Variants in HEPH observed in about 807,000 individuals in gnomAD.
HEPH encodes the protein hephaestin.
A neutral mutation model predicts 80.8 loss-of-function variants in HEPH; 69 were observed. The ratio of observed to expected loss-of-function variants is 0.85; its 90% CI spans 0.70 to 1.04. The LOEUF (loss-of-function observed/expected upper bound fraction) is 1.04, where lower values mean the gene tolerates loss of function less well. HEPH is among the 50% of genes least tolerant of loss of function. HEPH has a pLI of 0.00. For synonymous variants in HEPH, 431 were observed against 322.8 expected (o/e 1.34, Z -3.60); for missense variants, 1,115 against 891.3 (o/e 1.25, Z -3.20).
intron 4 of HEPH, among the ~76,000 whole-genome samples, chrX:66,184,606 G>C (rs2087339885): frequency 3.4e-5 from 1 of 29,370 alleles, no homozygotes; most frequent in South Asian, 1.8e-3. Flanking sequence ...CTCTGCACAT[G>C]AGATGGGTTT....
At chrX:66,165,123 C>A (rs1442432327) in intron 1 of HEPH, among the ~76,000 whole-genome samples, 2 of 111,673 alleles carry the variant, frequency 1.8e-5, no homozygotes, top group Non-Finnish European at 3.8e-5. Flanking sequence ...TTCAGTTTTT[C>A]ATTACTCAGC....
Position 66,165,144 on chromosome X carries a change from T to C in HEPH, c.-14+674T>C, listed in dbSNP as rs184489502. On this transcript the variant is annotated intron_variant, in intron 1 of 20. Coordinates refer to ENST00000343002, the MANE Select transcript of HEPH (RefSeq NM_001367233.3). ...TTTTCATTACTCAGCATCTATTATA[T>C]GACAAGCAATCCTTTTGCTAGGGAC... Among the ~76,000 whole-genome samples the C allele has an allele frequency of 5.0e-3, 561 of 111,957 alleles. 4 individuals are homozygous for C. The highest frequency in any genetic ancestry group is 0.017 in the African/African-American group (523 of 30,840).
chrX:66,256,702 T>C (rs2091194944), intron 17 of HEPH, among the ~76,000 whole-genome samples: 1 of 112,119 alleles, frequency 8.9e-6, no homozygotes, highest in Non-Finnish European at 1.9e-5. Context: ...TCTGCCAATA[T>C]CATCTTATTT....
intron 3 of HEPH, 134 bp downstream of exon 3, chrX:66,172,733 C>T: frequency 3.0e-6 from 2 of 667,617 alleles, no homozygotes. Context: ...AGACTCTCCT[C>T]AGAGTAAACA....
intron 6 of HEPH, among the ~76,000 whole-genome samples, chrX:66,191,703 G>T (rs1249679839): frequency 8.9e-6 from 1 of 111,871 alleles, no homozygotes; most frequent in African/African-American, 3.3e-5. Context: ...TAAATTTGAT[G>T]CTCCTACCAG....
chrX:66,174,189 G>A (rs1171784665), intron 4 of HEPH, among the ~76,000 whole-genome samples: 1 of 110,002 alleles, frequency 9.1e-6, no homozygotes, highest in East Asian at 2.9e-4. Context: ...AATCCCCAAA[G>A]TCCATTGTAT....
At chrX:66,186,270 G>A (rs1213701524) in intron 4 of HEPH, among the ~76,000 whole-genome samples, 2 of 78,889 alleles carry the variant, frequency 2.5e-5, no homozygotes, top group South Asian at 4.6e-4. Context: ...ACCTAAGCAA[G>A]CCTGGGCAAT....
chrX:66,263,563 ATGT>A (rs2091432370), intron 19 of HEPH, 78 bp from the exon 20 acceptor site: 2 of 1,061,409 alleles, frequency 1.9e-6, no homozygotes. Context: ...TCTGCAACCA[ATGT>A]TGACCTTTCA....
chrX:66,258,339 G>A (rs2091248180), intron 17 of HEPH, among the ~76,000 whole-genome samples: 1 of 111,623 alleles, frequency 9.0e-6, no homozygotes. Flanking sequence ...GTCTTTCTGG[G>A]GGAGTGAAGA....
chrX:66,199,987 C>T (rs907443993), intron 11 of HEPH, among the ~76,000 whole-genome samples: 5 of 102,657 alleles, frequency 4.9e-5, no homozygotes, highest in African/African-American at 1.8e-4. Flanking sequence ...GGTAGGGGTA[C>T]CAGAGAGGAG....
chrX:66,173,686 C>T lies in HEPH; in HGVS notation c.510C>T (p.Gly170=). ...SHIYNWTIPE[G]HAPTDADPAC... ...TCTACAACTGGACCATTCCAGAAGG[C>T]CATGCACCCACCGATGCTGACCCAG... is the stretch of plus-strand genomic sequence containing the variant. Residue 170 remains glycine, a synonymous_variant, in exon 4 of 21, where the codon GGC becomes GGT. Coordinates refer to ENST00000343002, the MANE Select transcript of HEPH (RefSeq NM_001367233.3). 8.3e-7 allele frequency: 1 copy of T among 1,209,632 alleles called. No individual in the cohort carries two copies. The highest frequency in any genetic ancestry group is 1.1e-6 in the Non-Finnish European group (1 of 893,967).
intron 15 of HEPH, among the ~76,000 whole-genome samples, chrX:66,209,322 G>A (rs1000143440): frequency 1.8e-5 from 2 of 112,290 alleles, no homozygotes; most frequent in Non-Finnish European, 3.8e-5. Flanking sequence ...GCATGTATCA[G>A]GATCACCTAG....
chrX:66,166,501 C>T (rs2086374230), intron 1 of HEPH, among the ~76,000 whole-genome samples: 2 of 112,187 alleles, frequency 1.8e-5, no homozygotes, highest in South Asian at 7.4e-4. Context: ...GGCCTAACAT[C>T]TAAGTGGTTA....
At chrX:66,164,133 A>G, upstream of HEPH, 1 of 639,209 alleles carries the variant, frequency 1.6e-6, no homozygotes. Flanking sequence ...CAGAAGTACA[A>G]CCCACCCCCT....
chrX:66,181,940 C>G (rs1602237374), intron 4 of HEPH, among the ~76,000 whole-genome samples: 1 of 110,364 alleles, frequency 9.1e-6, no homozygotes, highest in African/African-American at 3.3e-5. Context: ...TTCACAGCAC[C>G]ATTTATTAAA....
intron 6 of HEPH, among the ~76,000 whole-genome samples, chrX:66,191,025 C>A (rs1359958038): frequency 9.0e-6 from 1 of 111,530 alleles, no homozygotes; most frequent in Non-Finnish European, 1.9e-5. Context: ...TGATGTATAC[C>A]TCATAAAATT....
chrX:66,254,358 G>A (rs748321116), intron 15 of HEPH, among the ~76,000 whole-genome samples: 1 of 111,447 alleles, frequency 9.0e-6, no homozygotes. Context: ...AAAGATTAAA[G>A]TTTTGAGTCT....
At chrX:66,248,082 T>A (rs949232163) in intron 15 of HEPH, among the ~76,000 whole-genome samples, 1 of 110,641 alleles carries the variant, frequency 9.0e-6, no homozygotes, top group Non-Finnish European at 1.9e-5. Context: ...TCTCCATTTT[T>A]TTACTTACCT....
At chrX:66,237,879 C>A (rs190408862) in intron 15 of HEPH, among the ~76,000 whole-genome samples, 1 of 111,890 alleles carries the variant, frequency 8.9e-6, no homozygotes, top group Non-Finnish European at 1.9e-5. Context: ...TTATGTAATA[C>A]CTTTTCTTTC....
Sources: allele counts gnomAD v4.1 joint callset (sites outside exome capture counted in the v4.1 genomes callset), GRCh38; gene constraint gnomAD v4.1.1; transcripts MANE v1.5; gene names NCBI Gene and HGNC (gene_info 2026-07-23, HGNC 2026-07-21).